Variants in VHL observed in about 807,000 individuals in gnomAD.
VHL encodes the protein von Hippel-Lindau disease tumor suppressor.
Under a neutral mutation model 19.2 loss-of-function variants are expected in VHL, and 10 were observed. The observed-to-expected ratio is 0.52, with a 90% CI of 0.32 to 0.89. The LOEUF is 0.89. Among genes scored for constraint, VHL ranks in the 40% least tolerant of loss-of-function variants. The pLI, the probability that VHL is intolerant of heterozygous loss-of-function variation, is 0.03. For missense variants in VHL, 328 were observed against 292.7 expected (o/e 1.12, Z -0.88); for synonymous variants, 167 against 129.5 (o/e 1.29, Z -1.97).
At position 10,141,945 on chromosome 3, in the gene VHL, C is replaced by T. The variant is rs1476994915; in HGVS notation, c.98C>T (p.Ser33Leu). The T allele has an allele frequency of 1.3e-6, 2 of 1,541,916 alleles. No homozygotes were observed. Among genetic ancestry groups the T allele is most frequent in the African/African-American group, 2.8e-5 (2 of 72,640 alleles). ...YGPEEDGGEE[S>L]GAEESGPEES... ...CCTGAAGAAGACGGCGGGGAGGAGT[C>T]GGGCGCCGAGGAGTCCGGCCCGGAA... is the stretch of plus-strand genomic sequence containing the variant. Residue 33 changes from serine (S) to leucine (L), a missense_variant, in exon 1 of 3, where the codon TCG (serine) becomes TTG (leucine). Physicochemically the swap from Ser to Leu is moderately radical, Grantham distance 145. Transcript: ENST00000256474.
In VHL at chr3:10,141,822, C is replaced by G. The variant is rs775446934; in HGVS notation, c.-26C>G. 6.4e-5 allele frequency: 98 copies of G among 1,536,398 alleles called. No individual in the cohort carries two copies. Among genetic ancestry groups the G allele is most frequent in the Non-Finnish European group, 1.8e-5 (20 of 1,141,266 alleles). ...GACCCGCGGATCCCGCGGCGTCCGG[C>G]CCGGGTGGTCTGGATCGCGGAGGGA... On this transcript the variant is annotated 5_prime_UTR_variant, in exon 1 of 3. Coordinates refer to ENST00000256474, the MANE Select transcript of VHL (RefSeq NM_000551.4).
In VHL at chr3:10,149,946, A is replaced by G. The variant is rs1696366534; in HGVS notation, c.623A>G (p.His208Arg). 6.2e-7 allele frequency: 1 copy of G among 1,614,088 alleles called. No homozygotes were observed. Among genetic ancestry groups the G allele is most frequent in the South Asian group, 1.1e-5 (1 of 91,076 alleles). ...LERLTQERIA[H>R]QRMGD ...CGGCTGACACAGGAGCGCATTGCAC[A>G]TCAACGGATGGGAGATTGAAGATTT... Residue 208 changes from histidine to arginine, a missense_variant, in exon 3 of 3, where the codon CAT becomes CGT. Coordinates refer to ENST00000256474, the MANE Select transcript of VHL (RefSeq NM_000551.4).
In VHL at chr3:10,149,535, C is replaced by G. The variant is rs1703153; in HGVS notation, c.464-252C>G. Among the ~76,000 whole-genome samples, 88,128 of 152,126 alleles carry G rather than the reference C, an allele frequency of 0.58. 28,100 individuals are homozygous for G. The highest frequency in any genetic ancestry group is 0.79 in the East Asian group (4,085 of 5,190). ...CTAGAATTGCCAGTGTCGCTTCATCCACATTCAGTTAGTTAAAGCAATCAC... is the reference window on the plus strand; with the variant it reads ...CTAGAATTGCCAGTGTCGCTTCATCGACATTCAGTTAGTTAAAGCAATCAC... On this transcript the variant is annotated intron_variant, in intron 2 of 2. Coordinates refer to ENST00000256474, the MANE Select transcript of VHL (RefSeq NM_000551.4).
chr3:10,149,006 G>A (rs1696334931), intron 2 of VHL, among the ~76,000 whole-genome samples: 1 of 152,118 alleles, frequency 6.6e-6, no homozygotes, highest in African/African-American at 2.4e-5. Context: ...CTGTAGTCCA[G>A]GCTGGGCTCA....
At position 10,149,963 on chromosome 3, in the gene VHL, TGAA is replaced by T. The variant is rs1286603999; in HGVS notation, c.*1_*3del. 1.2e-6 allele frequency: 2 copies of T among 1,613,120 alleles called. No homozygotes were observed. Among genetic ancestry groups the T allele is most frequent in the Admixed American group, 3.3e-5 (2 of 59,830 alleles). On this transcript the variant is annotated stop_retained_variant and 3_prime_UTR_variant, in exon 3 of 3. Coordinates refer to ENST00000256474, the MANE Select transcript of VHL (RefSeq NM_000551.4). The stretch of plus-strand genomic sequence containing the variant: ...CATTGCACATCAACGGATGGGAGAT[TGAA>T]GATTTCTGTTGAAACTTACACTGTT...
intron 1 of VHL, among the ~76,000 whole-genome samples, 159 bp downstream of exon 1, chr3:10,142,346 T>TTTC (rs1696147133): frequency 7.0e-6 from 1 of 142,760 alleles, no homozygotes; most frequent in Non-Finnish European, 1.5e-5. Flanking sequence ...GCATTCTTTT[T>TTTC]TTTTTTTTTT....
chr3:10,141,963 G>T lies in VHL; in HGVS notation c.116G>T (p.Gly39Val), dbSNP rs368473853. Residue 39 changes from glycine (G) to valine (V), a missense_variant, in exon 1 of 3, where the codon GGC (glycine) becomes GTC (valine). Gly to Val is a moderately radical substitution (Grantham distance 109). Transcript: ENST00000256474. ...GGEESGAEES[G>V]PEESGPEELG... ...GAGGAGTCGGGCGCCGAGGAGTCCG[G>T]CCCGGAAGAGTCCGGCCCGGAGGAA... 1.3e-6 allele frequency: 2 copies of T among 1,552,670 alleles called. No individual in the cohort carries two copies. The highest frequency in any genetic ancestry group is 1.7e-6 in the Non-Finnish European group (2 of 1,148,976).
Position 10,152,923 on chromosome 3 carries a change from A to C in VHL, c.*2958A>C, listed in dbSNP as rs950844902. Among the ~76,000 whole-genome samples, 5 of 151,894 alleles carry C rather than the reference A, an allele frequency of 3.3e-5. No homozygotes were observed. Among genetic ancestry groups the C allele is most frequent in the Non-Finnish European group, 7.4e-5 (5 of 67,994 alleles). On this transcript the variant is annotated 3_prime_UTR_variant, in exon 3 of 3. Transcript: ENST00000256474. ...TTTGGGAGACCAAGGCGGATGGATC[A>C]CCTGAGGTCAGGAGCTGAAGACCAG...
intron 2 of VHL, 142 bp from the exon 3 acceptor site, chr3:10,149,645 G>A (rs557551625): frequency 2.7e-6 from 2 of 739,776 alleles, no homozygotes; most frequent in African/African-American, 1.7e-5. Context: ...ATAACACACT[G>A]CCACATACAT....
At position 10,141,838 on chromosome 3, in the gene VHL, C is replaced by T. The variant is rs1192379474; in HGVS notation, c.-10C>T. On this transcript the variant is annotated 5_prime_UTR_variant, in exon 1 of 3. Transcript: ENST00000256474. The stretch of plus-strand genomic sequence containing the variant: ...GGCGTCCGGCCCGGGTGGTCTGGAT[C>T]GCGGAGGGAATGCCCCGGAGGGCGG... 6.5e-7 allele frequency: 1 copy of T among 1,536,232 alleles called. No individual in the cohort carries two copies. Among genetic ancestry groups the T allele is most frequent in the Non-Finnish European group, 8.8e-7 (1 of 1,141,170 alleles).
At chr3:10,149,714 G>A (rs1481983269) in intron 2 of VHL, 73 bp from the exon 3 acceptor site, 17 of 1,337,658 alleles carry the variant, frequency 1.3e-5, no homozygotes, top group African/African-American at 1.4e-5. Flanking sequence ...GGTAGTTGTT[G>A]GCAAAGCCTC....
rs1407805768 is a variant in VHL, at chr3:10,142,189, T to C, written c.340+2T>C. 1 of 1,597,186 alleles carries C rather than the reference T, an allele frequency of 6.3e-7. No individual in the cohort carries two copies. The highest frequency in any genetic ancestry group is 8.5e-7 in the Non-Finnish European group (1 of 1,179,182). On this transcript the variant is annotated splice_donor_variant, in intron 1 of 2. Coordinates refer to ENST00000256474, the MANE Select transcript of VHL (RefSeq NM_000551.4). LOFTEE classifies it high-confidence loss of function. ...GCCGCCGCATCCACAGCTACCGAGG[T>C]ACGGGCCCGGCGCTTAGGCCCGACC...
intron 2 of VHL, among the ~76,000 whole-genome samples, chr3:10,147,350 A>G (rs534550269): frequency 7.6e-5 from 10 of 131,038 alleles, no homozygotes; most frequent in Non-Finnish European, 1.1e-4. Context: ...CACAGTGCCA[A>G]TCAGAGGTGT....
intron 2 of VHL, among the ~76,000 whole-genome samples, chr3:10,148,106 A>G (rs1179439028): frequency 6.6e-6 from 1 of 151,942 alleles, no homozygotes; most frequent in Admixed American, 6.6e-5. Context: ...AAAAAAAGAA[A>G]AAAAAAACTC....
chr3:10,145,386 C>G (rs143594259), intron 1 of VHL, among the ~76,000 whole-genome samples: 3 of 151,996 alleles, frequency 2.0e-5, no homozygotes, highest in Non-Finnish European at 4.4e-5. Context: ...TGCTTCCTGC[C>G]CTCTTTTGTT....
intron 1 of VHL, among the ~76,000 whole-genome samples, chr3:10,143,930 A>G (rs1456405518): frequency 6.6e-6 from 1 of 152,168 alleles, no homozygotes; most frequent in Non-Finnish European, 1.5e-5. Context: ...TAATCTTGCC[A>G]TGGCCTTTAA....
chr3:10,145,808 G>T (rs1358118299), intron 1 of VHL, among the ~76,000 whole-genome samples: 2 of 151,866 alleles, frequency 1.3e-5, no homozygotes, highest in Non-Finnish European at 2.9e-5. Context: ...ACATGTTTTT[G>T]CACTTCCTTG....
rs1014417508 is a variant in VHL at position 10,141,853 on chromosome 3, C to A, written c.6C>A (p.Pro2=). The change falls in exon 1 of 3, where the codon CCC becomes CCA. Residue 2 remains proline (P), a synonymous_variant. Transcript: ENST00000256474. ...TGGTCTGGATCGCGGAGGGAATGCC[C>A]CGGAGGGCGGAGAACTGGGACGAGG... is the stretch of plus-strand genomic sequence containing the variant. M[P]RRAENWDEAE... The A allele has an allele frequency of 6.5e-7, 1 of 1,535,696 alleles. No homozygotes were observed. The highest frequency in any genetic ancestry group is 1.4e-5 in the African/African-American group (1 of 72,478).
At chr3:10,147,991 G>A (rs900496205) in intron 2 of VHL, among the ~76,000 whole-genome samples, 1 of 151,838 alleles carries the variant, frequency 6.6e-6, no homozygotes, top group East Asian at 1.9e-4. Flanking sequence ...AGCTATTTGG[G>A]AGGCTTAGGT....
Sources: allele counts gnomAD v4.1 joint callset (sites outside exome capture counted in the v4.1 genomes callset), GRCh38; gene constraint gnomAD v4.1.1; transcripts MANE v1.5; gene names NCBI Gene and HGNC (gene_info 2026-07-23, HGNC 2026-07-21).